Variants in ALG9 observed in about 807,000 individuals in gnomAD.
ALG9 encodes alpha-1,2-mannosyltransferase ALG9.
A neutral mutation model predicts 81.8 loss-of-function variants in ALG9; 55 were observed. The observed-to-expected ratio is 0.67, with a 90% CI of 0.54 to 0.84. The LOEUF (loss-of-function observed/expected upper bound fraction) is 0.84. Ranked by LOEUF, ALG9 falls within the 40% of genes least tolerant of loss-of-function variation. ALG9 has a pLI of 0.00. For synonymous variants in ALG9, 278 were observed against 274.3 expected, an observed-to-expected ratio of 1.01 and a Z score of -0.13; for missense variants, 629 against 745.0, an observed-to-expected ratio of 0.84 and a Z score of 1.81.
intron 14 of ALG9, among the ~76,000 whole-genome samples, chr11:111,804,132 C>CAA (rs140492079): frequency 7.0e-5 from 6 of 85,346 alleles, no homozygotes; most frequent in Non-Finnish European, 1.1e-4. Context: ...GACTCCATCT[C>CAA]AAAAAAAAAA....
intron 13 of ALG9, among the ~76,000 whole-genome samples, chr11:111,827,990 C>A (rs1953672414): frequency 6.6e-6 from 1 of 151,746 alleles, no homozygotes. Context: ...GCGTTTGAGA[C>A]CAGTCTGGCT....
intron 13 of ALG9, among the ~76,000 whole-genome samples, chr11:111,826,526 T>C (rs1259085088): frequency 3.9e-5 from 6 of 152,154 alleles, no homozygotes; most frequent in African/African-American, 1.4e-4. Context: ...TAGGTTTTTT[T>C]ATTTTTTTCA....
chr11:111,856,578 G>A (rs1302264812), intron 6 of ALG9, among the ~76,000 whole-genome samples: 1 of 150,604 alleles, frequency 6.6e-6, no homozygotes, highest in African/African-American at 2.4e-5. Flanking sequence ...TGAGCTAGCG[G>A]AGAAGAAAAT....
chr11:111,790,174 A>T (rs2136217001), intron 14 of ALG9, among the ~76,000 whole-genome samples: 1 of 152,252 alleles, frequency 6.6e-6, no homozygotes, highest in South Asian at 2.1e-4. Flanking sequence ...TCTACTAAAA[A>T]TACAAAAATT....
chr11:111,840,202 G>A (rs150988316), intron 10 of ALG9, among the ~76,000 whole-genome samples: 2 of 152,200 alleles, frequency 1.3e-5, no homozygotes, highest in African/African-American at 2.4e-5. Context: ...TACTGAAGCC[G>A]TAAGTACAGA....
chr11:111,780,607 G>C (rs1945879630), downstream of ALG9, among the ~76,000 whole-genome samples: 1 of 151,876 alleles, frequency 6.6e-6, no homozygotes, highest in African/African-American at 2.4e-5. Context: ...GTGTAGGCCA[G>C]GCTGGTCTCG....
chr11:111,827,813 G>A (rs1565903235), intron 13 of ALG9, among the ~76,000 whole-genome samples: 1 of 151,138 alleles, frequency 6.6e-6, no homozygotes, highest in Non-Finnish European at 1.5e-5. Context: ...GTTGCAGTGA[G>A]CTGAGATTAT....
chr11:111,808,880 AT>A (rs1303687295), intron 14 of ALG9, among the ~76,000 whole-genome samples: 2 of 152,202 alleles, frequency 1.3e-5, no homozygotes, highest in Non-Finnish European at 2.9e-5. Context: ...CTTATCATTA[AT>A]TCTGAGACCT....
Position 111,838,328 on chromosome 11 carries a change from C to T in ALG9, c.1245G>A (p.Val415=). 3.1e-6 allele frequency: 5 copies of T among 1,614,028 alleles called. No individual in the cohort carries two copies. Among genetic ancestry groups the T allele is most frequent in the Non-Finnish European group, 4.2e-6 (5 of 1,179,868 alleles). ...TTCCTAATGCCAGCCAATTCGATGTCACAGTATAGTGCTCCAGGCGATATC... is the reference window on the plus strand; with the variant it reads ...TTCCTAATGCCAGCCAATTCGATGTTACAGTATAGTGCTCCAGGCGATATC... ...FQRYRLEHYT[V]TSNWLALGTV... Residue 415 remains valine, a synonymous_variant, in exon 11 of 15, where the codon GTG becomes GTA. Coordinates refer to ENST00000616540, the MANE Select transcript of ALG9 (RefSeq NM_024740.2).
At chr11:111,840,122 C>G (rs1413813351) in intron 10 of ALG9, among the ~76,000 whole-genome samples, 1 of 152,110 alleles carries the variant, frequency 6.6e-6, no homozygotes, top group Non-Finnish European at 1.5e-5. Context: ...AAGAAAAAAA[C>G]CTATCATCCT....
At chr11:111,831,430 C>T (rs782048941) in intron 13 of ALG9, among the ~76,000 whole-genome samples, 10 of 151,962 alleles carry the variant, frequency 6.6e-5, no homozygotes, top group Admixed American at 1.3e-4. Context: ...CCCAGGAGTT[C>T]GAGGCTATAG....
chr11:111,848,665 T>G (rs1370821483), intron 8 of ALG9, among the ~76,000 whole-genome samples: 1 of 151,452 alleles, frequency 6.6e-6, no homozygotes, highest in Non-Finnish European at 1.5e-5. Context: ...CACAATGGAG[T>G]GATTGAAATC....
At chr11:111,768,860 T>C in the ALG9 span, 4 of 152,510 alleles carry the variant, frequency 2.6e-5, no homozygotes, top group Non-Finnish European at 4.4e-5. Context: ...TGTGTGTGTG[T>C]GTGTGTGTAT....
chr11:111,811,155 A>AAT (rs1210033879), intron 13 of ALG9, among the ~76,000 whole-genome samples: 1 of 152,248 alleles, frequency 6.6e-6, no homozygotes, highest in Non-Finnish European at 1.5e-5. Flanking sequence ...CAATAAACAA[A>AAT]ATGAAATTTT....
intron 13 of ALG9, among the ~76,000 whole-genome samples, chr11:111,835,666 T>C (rs782009543): frequency 1.2e-4 from 19 of 152,330 alleles, no homozygotes; most frequent in Admixed American, 2.6e-4. Flanking sequence ...ACATTTTACA[T>C]AGAAAATAAA....
chr11:111,779,505 T>G (rs1442157821), downstream of ALG9, among the ~76,000 whole-genome samples: 19 of 152,096 alleles, frequency 1.2e-4, no homozygotes, highest in Admixed American at 1.2e-3. Flanking sequence ...TTTCTTTTAA[T>G]TATATATGTA....
chr11:111,835,944 T>G (rs1555117049), intron 13 of ALG9, among the ~76,000 whole-genome samples: 1 of 152,178 alleles, frequency 6.6e-6, no homozygotes, highest in Non-Finnish European at 1.5e-5. Context: ...AGAAATGTGA[T>G]CTTGCTATGT....
the ALG9 span, among the ~76,000 whole-genome samples, chr11:111,772,197 G>A: frequency 6.6e-6 from 1 of 152,184 alleles, no homozygotes; most frequent in South Asian, 2.1e-4. Context: ...AAGTCCAGGT[G>A]GGCAGATCTC....
chr11:111,865,068 C>T, intron 4 of ALG9, 113 bp downstream of exon 4: 1 of 843,198 alleles, frequency 1.2e-6, no homozygotes, highest in Non-Finnish European at 1.8e-6. Flanking sequence ...TGAGCCACCG[C>T]ACCCGGTCAA....
Sources: gnomAD v4.1 joint callset for allele counts (sites outside exome capture counted in the v4.1 genomes callset) on GRCh38, gnomAD v4.1.1 for gene constraint, MANE v1.5 for transcripts, NCBI Gene and HGNC (gene_info 2026-07-23, HGNC 2026-07-21) for gene names.